Variants in KLHL29 observed in about 807,000 individuals in gnomAD.
KLHL29 encodes the protein kelch-like protein 29.
Under a neutral mutation model 80.4 loss-of-function variants are expected in KLHL29, and 21 were observed. The observed-to-expected ratio is 0.26, with a 90% CI of 0.19 to 0.38. The LOEUF is 0.38. Ranked by LOEUF, KLHL29 falls within the 10% of genes least tolerant of loss-of-function variation. The probability of loss-of-function intolerance (pLI) is 1.00; values close to 1 mark genes in which losing one functional copy is unlikely to be tolerated. For missense variants in KLHL29, 867 were observed against 1,223.9 expected (o/e 0.71, Z 4.35); for synonymous variants, 511 against 526.8 (o/e 0.97, Z 0.41).
chr2:23,446,968 A>G (rs1402814098), intron 1 of KLHL29, among the ~76,000 whole-genome samples: 2 of 152,240 alleles, frequency 1.3e-5, no homozygotes, highest in East Asian at 3.8e-4. Context: ...GGTTTACCTA[A>G]TGCAGAAAAA....
At chr2:23,542,073 A>G (rs1296910960) in intron 2 of KLHL29, among the ~76,000 whole-genome samples, 3 of 152,224 alleles carry the variant, frequency 2.0e-5, no homozygotes, top group African/African-American at 7.2e-5. Flanking sequence ...AATGGCATTA[A>G]GAAGTCTAAA....
intron 2 of KLHL29, among the ~76,000 whole-genome samples, chr2:23,506,031 G>T (rs1488127454): frequency 1.3e-5 from 2 of 152,198 alleles, no homozygotes; most frequent in Non-Finnish European, 2.9e-5. Flanking sequence ...GACCATGCTG[G>T]GGCCTGGGGA....
At chr2:23,459,147 G>A (rs1664141943) in intron 1 of KLHL29, among the ~76,000 whole-genome samples, 1 of 152,146 alleles carries the variant, frequency 6.6e-6, no homozygotes, top group South Asian at 2.1e-4. Flanking sequence ...CTGATTAGAT[G>A]GTTACATCTA....
At chr2:23,605,810 C>T (rs1305783064) in intron 3 of KLHL29, among the ~76,000 whole-genome samples, 1 of 151,614 alleles carries the variant, frequency 6.6e-6, no homozygotes, top group African/African-American at 2.4e-5. Context: ...CACTCTGTCG[C>T]CCAGGCTGGA....
At chr2:23,472,322 A>G (rs1664515736) in intron 1 of KLHL29, among the ~76,000 whole-genome samples, 1 of 152,126 alleles carries the variant, frequency 6.6e-6, no homozygotes. Context: ...AGGTGATGGC[A>G]CTTCTGAGAT....
intron 11 of KLHL29, among the ~76,000 whole-genome samples, chr2:23,698,695 A>T (rs11679039): frequency 6.6e-6 from 1 of 151,862 alleles, no homozygotes; most frequent in Non-Finnish European, 1.5e-5. Flanking sequence ...TTTTATAGCA[A>T]TATATTGCAG....
intron 3 of KLHL29, among the ~76,000 whole-genome samples, chr2:23,574,658 A>G (rs1667798597): frequency 1.3e-5 from 2 of 152,202 alleles, no homozygotes; most frequent in Admixed American, 1.3e-4. Context: ...AGTGAATGCC[A>G]CTAAACTGTA....
intron 2 of KLHL29, among the ~76,000 whole-genome samples, chr2:23,504,821 G>A (rs1665553368): frequency 6.6e-6 from 1 of 152,206 alleles, no homozygotes; most frequent in Admixed American, 6.5e-5. Flanking sequence ...GGCCTTGTGT[G>A]CCCAGCCTGT....
intron 1 of KLHL29, among the ~76,000 whole-genome samples, chr2:23,406,442 G>GT: frequency 6.6e-6 from 1 of 151,694 alleles, no homozygotes; most frequent in Middle Eastern, 3.4e-3. Context: ...TTGGGACCAT[G>GT]TTGCACATGA....
intron 1 of KLHL29, among the ~76,000 whole-genome samples, chr2:23,402,597 C>T (rs1217654291): frequency 1.3e-5 from 2 of 152,150 alleles, no homozygotes; most frequent in African/African-American, 2.4e-5. Flanking sequence ...ACTGAACAGC[C>T]TGGCTTGTCT....
chr2:23,504,385 A>G (rs1249058096), intron 2 of KLHL29, among the ~76,000 whole-genome samples: 1 of 152,188 alleles, frequency 6.6e-6, no homozygotes, highest in Non-Finnish European at 1.5e-5. Flanking sequence ...CTAGGCACTA[A>G]GAAGAGCTAC....
At position 23,486,791 on chromosome 2, in the gene KLHL29, C is replaced by T. The variant is rs532699168; in HGVS notation, c.-46+11124C>T. 7.9e-5 allele frequency among the ~76,000 whole-genome samples: 12 copies of T among 152,292 alleles called. No homozygotes were observed. In the East Asian group the frequency reaches 2.1e-3, roughly 27 times the overall value. ...TGTCAACAGGGCCCATCCTTAGGGC[C>T]CTGCTCAGGCCACACCTCCTCCCTG... On this transcript the variant is annotated intron_variant, in intron 2 of 13. Transcript: ENST00000486442.
chr2:23,526,872 GTTTTTT>G (rs1281942890), intron 2 of KLHL29, among the ~76,000 whole-genome samples: 1 of 151,974 alleles, frequency 6.6e-6, no homozygotes, highest in South Asian at 2.1e-4. Flanking sequence ...GTCTGGGTGG[GTTTTTT>G]TTGTCCACCA....
chr2:23,599,378 A>C (rs1316235833), intron 3 of KLHL29, among the ~76,000 whole-genome samples: 2 of 152,180 alleles, frequency 1.3e-5, no homozygotes, highest in Non-Finnish European at 2.9e-5. Context: ...CGTAATAACA[A>C]GAAGAAAAAT....
At chr2:23,595,743 C>G (rs1046939648) in intron 3 of KLHL29, among the ~76,000 whole-genome samples, 3 of 152,126 alleles carry the variant, frequency 2.0e-5, no homozygotes, top group African/African-American at 7.2e-5. Context: ...ATCTGGACAC[C>G]CTGGAGCCAC....
intron 1 of KLHL29, among the ~76,000 whole-genome samples, chr2:23,428,674 A>G (rs1220937520): frequency 6.6e-6 from 1 of 152,140 alleles, no homozygotes; most frequent in African/African-American, 2.4e-5. Context: ...TTGTGAGTCA[A>G]ATTGTCATTT....
chr2:23,471,894 G>A (rs1418763832), intron 1 of KLHL29, among the ~76,000 whole-genome samples: 1 of 152,066 alleles, frequency 6.6e-6, no homozygotes, highest in East Asian at 1.9e-4. Flanking sequence ...GTTAACTTGG[G>A]AACAAAATTA....
Position 23,493,277 on chromosome 2 carries a change from G to C in KLHL29, c.-46+17610G>C, listed in dbSNP as rs1036985958. ...CTGTTTAAGAGGGATTTATGCCGTG[G>C]CCAGGCAGGCCAGGATGTTCATGCA... On this transcript the variant is annotated intron_variant, in intron 2 of 13. Transcript: ENST00000486442. Among the ~76,000 whole-genome samples, 5 of 152,218 alleles carry C rather than the reference G, an allele frequency of 3.3e-5. No homozygotes were observed. In the East Asian group the frequency reaches 9.7e-4, roughly 29 times the overall value.
intron 1 of KLHL29, among the ~76,000 whole-genome samples, chr2:23,434,088 G>A (rs1214961159): frequency 1.3e-5 from 2 of 151,938 alleles, no homozygotes; most frequent in Non-Finnish European, 2.9e-5. Flanking sequence ...TTGGGAGGCC[G>A]AGACGGGCGG....
Sources: gnomAD v4.1 joint callset for allele counts (sites outside exome capture counted in the v4.1 genomes callset) on GRCh38, gnomAD v4.1.1 for gene constraint, MANE v1.5 for transcripts, NCBI Gene and HGNC (gene_info 2026-07-23, HGNC 2026-07-21) for gene names.